Variants in CELF2 observed in about 807,000 individuals in gnomAD.
The protein encoded by CELF2 is CUGBP Elav-like family member 2.
In CELF2, 8 loss-of-function variants were observed where a neutral mutation model predicts 62.6. That is an observed-to-expected ratio of 0.13 (90% CI 0.07 to 0.23). The LOEUF is 0.23. Ranked by LOEUF, CELF2 falls within the 10% of genes least tolerant of loss-of-function variation. The pLI is 1.00. For synonymous variants in CELF2, 258 were observed against 250.0 expected (o/e 1.03, Z -0.30); for missense variants, 333 against 671.0 (o/e 0.50, Z 5.56).
chr10:10,812,055 G>T (rs2055952006), intron 1 of CELF2, among the ~76,000 whole-genome samples: 1 of 152,148 alleles, frequency 6.6e-6, no homozygotes. Context: ...CTGTTCTCAT[G>T]CAGAGCTGCT....
intron 9 of CELF2, among the ~76,000 whole-genome samples, chr10:11,294,345 G>A (rs894346977): frequency 6.6e-6 from 1 of 152,134 alleles, no homozygotes; most frequent in Non-Finnish European, 1.5e-5. Context: ...ACATAAGCAA[G>A]GTCCCATTTT....
intron 3 of CELF2, among the ~76,000 whole-genome samples, chr10:11,233,308 A>G (rs1403791995): frequency 6.6e-6 from 1 of 152,146 alleles, no homozygotes; most frequent in Non-Finnish European, 1.5e-5. Context: ...AGTTACAGGA[A>G]CTTGGGTGTA....
rs1592980432 is a variant in CELF2 at position 11,005,575 on chromosome 10, G to A, written c.53+135G>A. On this transcript the variant is annotated intron_variant, in intron 1 of 12. Transcript: ENST00000416382. The surrounding 1 kb of genome is among the most constrained non-coding windows in gnomAD (Gnocchi z 4.3). ...GGGGGAAAAAGAATCTAAAGAGGAA[G>A]AGGGAGATGAAATCGAGACCCAGAG... is the stretch of plus-strand genomic sequence containing the variant. 6 of 1,368,386 alleles carry A rather than the reference G, an allele frequency of 4.4e-6. 1 individual carries two copies. In the East Asian group the frequency reaches 6.9e-5, roughly 16 times the overall value. The allele number at this position is 1,368,386 out of a possible 1,614,324, so 84.8% of individuals were successfully genotyped here.
At chr10:10,865,640 A>C (rs1295416835) in intron 1 of CELF2, among the ~76,000 whole-genome samples, 1 of 152,184 alleles carries the variant, frequency 6.6e-6, no homozygotes, top group East Asian at 1.9e-4. Context: ...CCTAGCAGGT[A>C]AAATATGCGT....
chr10:11,213,058 GC>G (rs1261024453), intron 2 of CELF2, among the ~76,000 whole-genome samples: 1 of 152,178 alleles, frequency 6.6e-6, no homozygotes, highest in Non-Finnish European at 1.5e-5. Context: ...GACTGCATCA[GC>G]CTGTGCTGAT....
At chr10:10,562,237 C>T in the CELF2 span, among the ~76,000 whole-genome samples, 1 of 152,142 alleles carries the variant, frequency 6.6e-6, no homozygotes, top group Non-Finnish European at 1.5e-5. Context: ...TCCACTAATC[C>T]CCTTGTGTAG....
chr10:10,606,896 T>C, the CELF2 span, among the ~76,000 whole-genome samples: 4 of 152,294 alleles, frequency 2.6e-5, no homozygotes, highest in Admixed American at 2.6e-4. Context: ...TTAGACTAGA[T>C]ATGTTAAGAA....
intron 1 of CELF2, among the ~76,000 whole-genome samples, chr10:11,148,026 T>A (rs1178032643): frequency 6.6e-6 from 1 of 152,222 alleles, no homozygotes; most frequent in African/African-American, 2.4e-5. Flanking sequence ...GATTTTACAT[T>A]AAAGTACGAG....
At chr10:10,616,853 G>C in the CELF2 span, among the ~76,000 whole-genome samples, 4 of 151,772 alleles carry the variant, frequency 2.6e-5, no homozygotes, top group African/African-American at 9.7e-5. Flanking sequence ...CTCCCATGTA[G>C]CTGGGACCAC....
At chr10:11,245,871 T>C (rs1187291230) in intron 3 of CELF2, among the ~76,000 whole-genome samples, 2 of 152,176 alleles carry the variant, frequency 1.3e-5, no homozygotes, top group African/African-American at 4.8e-5. Context: ...AAGTCCCACA[T>C]TGGACATTTT....
chr10:11,179,610 C>G (rs554774500), intron 2 of CELF2, among the ~76,000 whole-genome samples: 286 of 152,206 alleles, frequency 1.9e-3, no homozygotes, highest in Admixed American at 3.3e-3. Context: ...TGTTGAGAAC[C>G]CTACGTGCCA....
At chr10:10,857,799 TA>T (rs887872635) in intron 1 of CELF2, among the ~76,000 whole-genome samples, 2 of 150,182 alleles carry the variant, frequency 1.3e-5, no homozygotes, top group Admixed American at 6.6e-5. Flanking sequence ...ATGAAACTAG[TA>T]AAAAAAATGA....
intron 2 of CELF2, among the ~76,000 whole-genome samples, chr10:11,181,464 G>A (rs751044266): frequency 3.9e-5 from 6 of 152,100 alleles, no homozygotes; most frequent in African/African-American, 9.7e-5. Flanking sequence ...CTTGGATTTC[G>A]TGCTCCCATG....
At chr10:10,512,798 C>G in the CELF2 span, among the ~76,000 whole-genome samples, 1 of 152,330 alleles carries the variant, frequency 6.6e-6, no homozygotes, top group East Asian at 1.9e-4. Flanking sequence ...CCACAGTTGT[C>G]TCTTTAGTTC....
At chr10:11,007,314 C>T (rs1434289438) in intron 1 of CELF2, among the ~76,000 whole-genome samples, 11 of 152,100 alleles carry the variant, frequency 7.2e-5, no homozygotes, top group Admixed American at 7.2e-4. Context: ...CTTAGGAAAA[C>T]AGTTATGAAA....
intron 1 of CELF2, among the ~76,000 whole-genome samples, chr10:11,109,377 C>T (rs1054266228): frequency 2.1e-4 from 32 of 152,290 alleles, no homozygotes; most frequent in African/African-American, 7.5e-4. Flanking sequence ...GGGTAAAGGC[C>T]TCCAAGAAAG....
rs557724889 is a variant in CELF2 at position 11,308,238 on chromosome 10, A to T, written c.977-5901A>T. On this transcript the variant is annotated intron_variant, in intron 9 of 12. Transcript: ENST00000633077. ...ATTTCTGTCATGTGCCAGGGTATAG[A>T]TTTCTTTCCATTTATCCTACTTGGA... 1.1e-4 allele frequency among the ~76,000 whole-genome samples: 17 copies of T among 152,232 alleles called. No individual in the cohort carries two copies. In the South Asian group the frequency reaches 3.5e-3, roughly 32 times the overall value.
At chr10:10,618,290 G>T in the CELF2 span, among the ~76,000 whole-genome samples, 1 of 152,038 alleles carries the variant, frequency 6.6e-6, no homozygotes, top group Non-Finnish European at 1.5e-5. Flanking sequence ...GGACCAGGCT[G>T]CTTCTTCCCA....
intron 1 of CELF2, among the ~76,000 whole-genome samples, chr10:10,809,264 C>T (rs1305358250): frequency 6.6e-6 from 1 of 152,158 alleles, no homozygotes. Flanking sequence ...GTCTGCAAGC[C>T]AGGAAGAAAG....
Sources: allele counts gnomAD v4.1 joint callset (sites outside exome capture counted in the v4.1 genomes callset), GRCh38; gene constraint gnomAD v4.1.1; non-coding constraint Gnocchi (gnomAD v3.1); transcripts MANE v1.5; gene names NCBI Gene and HGNC (gene_info 2026-07-23, HGNC 2026-07-21).